The following SLC7A2 variants were observed in gnomAD, a reference collection of about 807,000 sequenced individuals.
SLC7A2 encodes the protein solute carrier family 7 member 2.
Under a neutral mutation model 58.9 loss-of-function variants are expected in SLC7A2, and 48 were observed. That is an observed-to-expected ratio of 0.82 (90% CI 0.65 to 1.04). The LOEUF (loss-of-function observed/expected upper bound fraction) is 1.04, where lower values mean the gene tolerates loss of function less well. SLC7A2 is among the 50% of genes least tolerant of loss of function. The pLI, the probability that SLC7A2 is intolerant of heterozygous loss-of-function variation, is 0.00. For missense variants in SLC7A2, 1,029 were observed against 818.8 expected (o/e 1.26, Z -3.13); for synonymous variants, 363 against 314.5 (o/e 1.15, Z -1.63).
chr8:17,545,403 C>CTTTTTTTTTTTTTTTTTT (rs386412194), intron 4 of SLC7A2, among the ~76,000 whole-genome samples: 2 of 64,300 alleles, frequency 3.1e-5, no homozygotes, highest in African/African-American at 7.0e-5. Flanking sequence ...TGAACATTTT[C>CTTTTTTTTTTTTTTTTTT]TTTTTTTTTT....
At chr8:17,506,985 G>GC (rs1225501330) in intron 2 of SLC7A2, among the ~76,000 whole-genome samples, 2 of 139,248 alleles carry the variant, frequency 1.4e-5, no homozygotes, top group African/African-American at 2.7e-5. Context: ...TCACTCTGTT[G>GC]CCAGGCTGGA....
chr8:17,528,168 G>T (rs1801294155), intron 2 of SLC7A2, among the ~76,000 whole-genome samples: 1 of 152,146 alleles, frequency 6.6e-6, no homozygotes, highest in South Asian at 2.1e-4. Context: ...GACAGCTGAG[G>T]AGACAGGGAG....
At chr8:17,524,421 TACACACACACACACAC>T (rs367710230) in intron 2 of SLC7A2, among the ~76,000 whole-genome samples, 5 of 135,096 alleles carry the variant, frequency 3.7e-5, no homozygotes, top group South Asian at 2.6e-4. Context: ...TGTGTGTGTG[TACACACACACACACAC>T]ACACACACAC....
chr8:17,551,652 A>G, intron 6 of SLC7A2, 112 bp from the exon 7 acceptor site: 1 of 771,988 alleles, frequency 1.3e-6, no homozygotes, highest in Non-Finnish European at 2.3e-6. Context: ...AAGAAAAGGG[A>G]CAAAAGCAGA....
intron 2 of SLC7A2, among the ~76,000 whole-genome samples, chr8:17,523,601 C>G (rs892218578): frequency 6.6e-6 from 1 of 152,170 alleles, no homozygotes; most frequent in South Asian, 2.1e-4. Context: ...TCAACTTATA[C>G]AAAAATTAGC....
chr8:17,495,589 G>T (rs1297649280), upstream of SLC7A2, among the ~76,000 whole-genome samples: 1 of 152,026 alleles, frequency 6.6e-6, no homozygotes, highest in East Asian at 1.9e-4. Context: ...TCACTCTGTC[G>T]CCCAGGCTGG....
chr8:17,562,107 C>T lies in SLC7A2; in HGVS notation c.1668C>T (p.Phe556=). The T allele has an allele frequency of 6.2e-7, 1 of 1,604,910 alleles. No homozygotes were observed. The highest frequency in any genetic ancestry group is 8.5e-7 in the Non-Finnish European group (1 of 1,176,030). ...RQPQNQQKVA[F]MVPFLPFLPA... is the part of the protein sequence containing the mutation. ...CCCAGAATCAGCAAAAAGTAGCCTT[C>T]ATGGTATGTGTAATGAGGATTAGAG... The change falls in exon 11 of 13, where the codon TTC becomes TTT. Residue 556 remains phenylalanine, a synonymous_variant. Transcript: ENST00000494857.
chr8:17,554,506 GA>G (rs1223666635), intron 7 of SLC7A2, 53 bp from the exon 8 acceptor site: 1 of 1,433,752 alleles, frequency 7.0e-7, no homozygotes, highest in African/African-American at 1.4e-5. Flanking sequence ...TCCGTTCGGG[GA>G]TGTAATCTTG....
intron 7 of SLC7A2, among the ~76,000 whole-genome samples, chr8:17,553,569 A>C (rs1160812520): frequency 6.6e-6 from 1 of 152,152 alleles, no homozygotes; most frequent in South Asian, 2.1e-4. Flanking sequence ...CAAAGAGTTC[A>C]AGACCAGCCT....
In SLC7A2 at chr8:17,554,603, A is replaced by G. The variant is rs757723581; in HGVS notation, c.1099A>G (p.Met367Val). ...IFPMPRVIYA[M>V]AEDGLLFKCL... ...CCCAATGCCTCGTGTAATCTATGCT[A>G]TGGCGGAGGATGGGTTGCTTTTCAA... The change falls in exon 8 of 13, where the codon ATG (methionine) becomes GTG (valine). Residue 367 changes from methionine (M) to valine (V), a missense_variant. Physicochemically the swap from Met to Val is conservative, Grantham distance 21. Coordinates refer to ENST00000494857, the MANE Select transcript of SLC7A2 (RefSeq NM_001370338.1). The G allele has an allele frequency of 1.9e-6, 3 of 1,613,298 alleles. No homozygotes were observed. Among genetic ancestry groups the G allele is most frequent in the African/African-American group, 1.3e-5 (1 of 74,992 alleles).
chr8:17,502,107 A>G (rs1800184007), intron 1 of SLC7A2, 150 bp from the exon 2 acceptor site: 2 of 151,560 alleles, frequency 1.3e-5, no homozygotes, highest in Non-Finnish European at 2.9e-5. Flanking sequence ...ATATATAATT[A>G]TATATATACG....
chr8:17,561,917 C>T (rs1803009617), intron 10 of SLC7A2, 27 bp from the exon 11 acceptor site: 3 of 1,611,374 alleles, frequency 1.9e-6, no homozygotes, highest in Admixed American at 1.7e-5. Flanking sequence ...AGTGTGCTGA[C>T]TCTGTTATCT....
chr8:17,523,774 A>C (rs1801110321), intron 2 of SLC7A2, among the ~76,000 whole-genome samples: 1 of 152,234 alleles, frequency 6.6e-6, no homozygotes, highest in Non-Finnish European at 1.5e-5. Context: ...GACTTAATTA[A>C]ACTAAAAAGC....
intron 2 of SLC7A2, among the ~76,000 whole-genome samples, chr8:17,511,767 A>G (rs1296151147): frequency 1.3e-5 from 2 of 152,196 alleles, no homozygotes; most frequent in Non-Finnish European, 2.9e-5. Context: ...ATTCTAAACA[A>G]AAACCTTCCC....
chr8:17,499,632 G>A (rs1800077763), intron 1 of SLC7A2, among the ~76,000 whole-genome samples: 1 of 150,814 alleles, frequency 6.6e-6, no homozygotes, highest in Non-Finnish European at 1.5e-5. Context: ...GCTTTCAGTG[G>A]AATATATTTC....
chr8:17,501,087 C>T (rs1585173431), intron 1 of SLC7A2, among the ~76,000 whole-genome samples: 1 of 151,752 alleles, frequency 6.6e-6, no homozygotes, highest in Admixed American at 6.6e-5. Flanking sequence ...GACCTTGGCT[C>T]ACTGCAACTT....
intron 2 of SLC7A2, among the ~76,000 whole-genome samples, chr8:17,514,944 C>T (rs1307329108): frequency 3.9e-5 from 6 of 152,160 alleles, no homozygotes; most frequent in Admixed American, 6.5e-5. Flanking sequence ...AACAGCGTTT[C>T]ATTTCTGATC....
In SLC7A2 at chr8:17,503,254, G is replaced by A. The variant is rs577387031; in HGVS notation, c.-23+952G>A. On this transcript the variant is annotated intron_variant, in intron 2 of 12. Transcript: ENST00000494857. ...TCTAGTAGAGACGGGGTTTCACCGC[G>A]TTAGCCAGGGTGGTCTCGATCTCCT... is the stretch of plus-strand genomic sequence containing the variant. Among the ~76,000 whole-genome samples the A allele has an allele frequency of 8.7e-4, 133 of 152,198 alleles. 2 individuals are homozygous for A. Among genetic ancestry groups the A allele is most frequent in the African/African-American group, 3.0e-3 (123 of 41,532 alleles).
chr8:17,518,873 A>G (rs1245071115), intron 2 of SLC7A2, among the ~76,000 whole-genome samples: 2 of 152,124 alleles, frequency 1.3e-5, no homozygotes, highest in Admixed American at 6.5e-5. Flanking sequence ...TCTGGAGGCT[A>G]GGAGTTGAGA....
Sources: gnomAD v4.1 joint callset for allele counts (sites outside exome capture counted in the v4.1 genomes callset) on GRCh38, gnomAD v4.1.1 for gene constraint, MANE v1.5 for transcripts, NCBI Gene and HGNC (gene_info 2026-07-23, HGNC 2026-07-21) for gene names.